PKHD1: variants seen among roughly 807,000 people sequenced by gnomAD.
The protein encoded by PKHD1 is PKHD1 ciliary IPT domain containing fibrocystin/polyductin.
Under a neutral mutation model 412.0 loss-of-function variants are expected in PKHD1, and 291 were observed. The observed-to-expected ratio is 0.71, with a 90% CI of 0.64 to 0.78. The LOEUF (loss-of-function observed/expected upper bound fraction) is 0.78. PKHD1 is among the 30% of genes least tolerant of loss of function. The probability of loss-of-function intolerance (pLI) is 0.00; values close to 1 mark genes in which losing one functional copy is unlikely to be tolerated. For missense variants in PKHD1, 4,825 were observed against 4,950.7 expected, an observed-to-expected ratio of 0.97 and a Z score of 0.76; for synonymous variants, 1,777 against 1,821.5, an observed-to-expected ratio of 0.98 and a Z score of 0.62.
intron 54 of PKHD1, 134 bp from the exon 55 acceptor site, chr6:51,772,923 C>T: frequency 5.9e-6 from 4 of 673,030 alleles, no homozygotes. Context: ...CCCATATTAT[C>T]AAAAGCATTA....
chr6:51,874,915 G>GTGCA lies in PKHD1; in HGVS notation c.7351-4277_7351-4276insTGCA. The stretch of plus-strand genomic sequence containing the variant: ...AGGCCAGTGTGTGTGCGCACCGTGC[G>GTGCA]CGAGCCGAAGCAGGGCGAGGCATTG... On this transcript the variant is annotated intron_variant, in intron 46 of 66. Coordinates refer to ENST00000371117, the MANE Select transcript of PKHD1 (RefSeq NM_138694.4). 2.4e-5 allele frequency among the ~76,000 whole-genome samples: 2 copies of GTGCA among 85,066 alleles called. 1 individual carries two copies. The highest frequency in any genetic ancestry group is 9.9e-5 in the African/African-American group (2 of 20,242). The allele number at this position is 85,066 out of a possible 152,430, so 55.8% of individuals were successfully genotyped here. A position where few individuals can be genotyped will look rare whatever the true frequency, so the allele number is the denominator to read the frequency against.
intron 35 of PKHD1, among the ~76,000 whole-genome samples, chr6:51,983,465 G>C (rs762190591): frequency 6.6e-6 from 1 of 152,106 alleles, no homozygotes; most frequent in Non-Finnish European, 1.5e-5. Context: ...GCTTCAAACA[G>C]ACAAAACACT....
rs968452614 is a variant in PKHD1, at chr6:52,070,896, T to C, written c.667+110A>G. The C allele has an allele frequency of 8.1e-6, 6 of 745,270 alleles. No homozygotes were observed. In the African/African-American group the frequency reaches 1.0e-4, roughly 13 times the overall value. The allele number at this position is 745,270 out of a possible 1,614,324, so 46.2% of individuals were successfully genotyped here. Reference sequence around the variant, plus strand: ...CCAGGGAATTCTTAACAAATAGTAATTATTGTTATTATTATTATCCTCATG... The same window carrying C: ...CCAGGGAATTCTTAACAAATAGTAACTATTGTTATTATTATTATCCTCATG... On this transcript the variant is annotated intron_variant, in intron 9 of 66. Coordinates refer to ENST00000371117, the MANE Select transcript of PKHD1 (RefSeq NM_138694.4).
intron 66 of PKHD1, among the ~76,000 whole-genome samples, chr6:51,623,619 T>A (rs1213642369): frequency 6.6e-6 from 1 of 152,128 alleles, no homozygotes; most frequent in East Asian, 1.9e-4. Context: ...AGTCTCGCTC[T>A]GTCACCCAGG....
intron 46 of PKHD1, among the ~76,000 whole-genome samples, chr6:51,871,184 T>C (rs572907673): frequency 8.2e-4 from 125 of 152,280 alleles, no homozygotes; most frequent in Non-Finnish European, 1.5e-3. Flanking sequence ...GGTATTTACC[T>C]TGGAGAAATG....
Position 51,617,384 on chromosome 6 carries a change from T to G in PKHD1, c.*1697A>C, listed in dbSNP as rs1766160159. On this transcript the variant is annotated 3_prime_UTR_variant, in exon 67 of 67. Coordinates refer to ENST00000371117, the MANE Select transcript of PKHD1 (RefSeq NM_138694.4). Reference sequence around the variant, plus strand: ...TCTGCCTAAGTCATTCGAGTTTTTTTTTGTTTTTCGTTTTTAATTCTGTTG... The same window carrying G: ...TCTGCCTAAGTCATTCGAGTTTTTTGTTGTTTTTCGTTTTTAATTCTGTTG... 6.6e-6 allele frequency: 1 copy of G among 152,170 alleles called. No homozygotes were observed. The highest frequency in any genetic ancestry group is 1.5e-5 in the Non-Finnish European group (1 of 68,034). The allele number at this position is 152,170 out of a possible 1,614,324, so 9.4% of individuals were successfully genotyped here. A position where few individuals can be genotyped will look rare whatever the true frequency, so the allele number is the denominator to read the frequency against.
At chr6:52,006,353 T>TTG (rs1799050745) in intron 35 of PKHD1, among the ~76,000 whole-genome samples, 4 of 139,312 alleles carry the variant, frequency 2.9e-5, no homozygotes, top group African/African-American at 1.0e-4. Flanking sequence ...TGGTTTGTTT[T>TTG]TTGTTGTTGT....
Position 52,062,499 on chromosome 6 carries a change from C to T in PKHD1, c.1118+20G>A. The T allele has an allele frequency of 1.2e-6, 2 of 1,613,722 alleles. No individual in the cohort carries two copies. The highest frequency in any genetic ancestry group is 4.5e-5 in the East Asian group (2 of 44,872). ...GCAAAGGTGCTTTTGATGTGGGCTC[C>T]CACTTTTCCTACAACATACCTGAAA... On this transcript the variant is annotated intron_variant, in intron 14 of 66. Coordinates refer to ENST00000371117, the MANE Select transcript of PKHD1 (RefSeq NM_138694.4).
At chr6:51,968,004 C>T (rs1017401264) in intron 35 of PKHD1, among the ~76,000 whole-genome samples, 43 of 152,132 alleles carry the variant, frequency 2.8e-4, no homozygotes, top group African/African-American at 9.4e-4. Flanking sequence ...GTTTCATACA[C>T]CAGGAAACCT....
chr6:51,748,511 T>C lies in PKHD1; in HGVS notation c.9105A>G (p.Gly3035=). Residue 3035 remains glycine (G), a synonymous_variant, in exon 58 of 67, where the codon GGA becomes GGG. Transcript: ENST00000371117. ...GGGIHAAASH[G]VLLNDNIVFG... is the part of the protein sequence containing the mutation. The stretch of plus-strand genomic sequence containing the variant: ...ACACAATATTGTCATTTAAAAGTAC[T>C]CCATGACTGGCAGCTGCATGAATGC... 2 of 1,613,878 alleles carry C rather than the reference T, an allele frequency of 1.2e-6. No homozygotes were observed. The highest frequency in any genetic ancestry group is 1.7e-6 in the Non-Finnish European group (2 of 1,179,928).
At chr6:51,826,901 T>C (rs994534644) in intron 52 of PKHD1, among the ~76,000 whole-genome samples, 26 of 152,120 alleles carry the variant, frequency 1.7e-4, no homozygotes, top group Admixed American at 3.9e-4. Context: ...TTCCATAAAA[T>C]TGATTTCCCA....
chr6:51,896,149 A>G (rs2127588824), intron 43 of PKHD1, among the ~76,000 whole-genome samples: 1 of 152,300 alleles, frequency 6.6e-6, no homozygotes, highest in East Asian at 1.9e-4. Context: ...GGAAGCTCGA[A>G]CTGGGTGGAG....
chr6:51,663,793 T>C (rs1352351170), intron 60 of PKHD1, among the ~76,000 whole-genome samples: 1 of 152,184 alleles, frequency 6.6e-6, no homozygotes, highest in African/African-American at 2.4e-5. Flanking sequence ...AAATTGATTC[T>C]TAATATATGT....
chr6:51,903,260 A>T (rs1417131890), intron 43 of PKHD1, among the ~76,000 whole-genome samples: 2 of 152,226 alleles, frequency 1.3e-5, no homozygotes. Flanking sequence ...TAAACATTTC[A>T]TACCACACCA....
At chr6:51,783,328 A>G (rs187775384) in intron 53 of PKHD1, among the ~76,000 whole-genome samples, 186 of 148,476 alleles carry the variant, frequency 1.3e-3, no homozygotes, top group African/African-American at 4.4e-3. Flanking sequence ...TGTTTCAAAA[A>G]TGTATTTTTA....
chr6:52,084,084 T>A (rs1007790895), intron 2 of PKHD1, among the ~76,000 whole-genome samples: 8 of 152,226 alleles, frequency 5.3e-5, no homozygotes, highest in African/African-American at 1.9e-4. Context: ...AAGATGTTCC[T>A]GGACAAGTCT....
chr6:52,074,582 T>TA (rs1461705325), intron 6 of PKHD1, among the ~76,000 whole-genome samples: 1 of 152,160 alleles, frequency 6.6e-6, no homozygotes. Flanking sequence ...CTGTAGAAAT[T>TA]AGGAATTTCT....
Position 51,869,377 on chromosome 6 carries a change from T to G in PKHD1, c.7486+1127A>C, listed in dbSNP as rs543599867. 1.9e-3 allele frequency among the ~76,000 whole-genome samples: 283 copies of G among 152,306 alleles called. 1 individual carries two copies. The highest frequency in any genetic ancestry group is 5.3e-3 in the Admixed American group (81 of 15,298). On this transcript the variant is annotated intron_variant, in intron 47 of 66. Coordinates refer to ENST00000371117, the MANE Select transcript of PKHD1 (RefSeq NM_138694.4). ...TGACCCCCTTCCTCGGCCCCTTCAC[T>G]GACTTTGTTGAGTCCTCTATTACTG...
intron 60 of PKHD1, among the ~76,000 whole-genome samples, chr6:51,670,021 C>T (rs1774630125): frequency 6.6e-6 from 1 of 151,266 alleles, no homozygotes; most frequent in Non-Finnish European, 1.5e-5. Context: ...ATTGTATATT[C>T]TGGTGATTTG....
Sources: gnomAD v4.1 joint callset for allele counts (sites outside exome capture counted in the v4.1 genomes callset) on GRCh38, gnomAD v4.1.1 for gene constraint, MANE v1.5 for transcripts, NCBI Gene and HGNC (gene_info 2026-07-23, HGNC 2026-07-21) for gene names.